The following FAT1 variants were observed in gnomAD, a reference collection of about 807,000 sequenced individuals.
FAT1 encodes the protein protocadherin Fat 1.
In FAT1, 171 loss-of-function variants were observed where a neutral mutation model predicts 329.8. That is an observed-to-expected ratio of 0.52 (90% CI 0.46 to 0.59). The LOEUF (loss-of-function observed/expected upper bound fraction) is 0.59. Among genes scored for constraint, FAT1 ranks in the 20% least tolerant of loss-of-function variants. The pLI is 0.00. For synonymous variants in FAT1, 2,233 were observed against 2,228.6 expected, an observed-to-expected ratio of 1.00 and a Z score of -0.06; for missense variants, 5,672 against 5,774.4, an observed-to-expected ratio of 0.98 and a Z score of 0.57.
intron 3 of FAT1, among the ~76,000 whole-genome samples, chr4:186,650,313 A>C (rs1741577171): frequency 6.6e-6 from 1 of 152,216 alleles, no homozygotes; most frequent in African/African-American, 2.4e-5. Context: ...ATTATTTCTC[A>C]TATTCTTTCC....
At chr4:186,634,836 G>C (rs1740756134) in intron 6 of FAT1, among the ~76,000 whole-genome samples, 2 of 152,208 alleles carry the variant, frequency 1.3e-5, no homozygotes, top group African/African-American at 2.4e-5. Context: ...AGCGCGCATG[G>C]AAAGCAAGCA....
At chr4:186,628,081 C>A in intron 9 of FAT1, 73 bp downstream of exon 9, 3 of 1,500,646 alleles carry the variant, frequency 2.0e-6, no homozygotes, top group Non-Finnish European at 2.7e-6. Flanking sequence ...ATACCCAGAA[C>A]TGATTTTGGA....
chr4:186,610,045 T>G (rs1347223777), intron 14 of FAT1, 30 bp from the exon 15 acceptor site: 1 of 1,379,050 alleles, frequency 7.3e-7, no homozygotes, highest in Non-Finnish European at 1.0e-6. Flanking sequence ...ACTTCCAGCA[T>G]TCTGCAATGC....
rs761787788 is a variant in FAT1, at chr4:186,611,481, T to C, written c.9758A>G (p.Tyr3253Cys). Residue 3253 changes from tyrosine to cysteine, a missense_variant, in exon 14 of 27, where the codon TAT (tyrosine) becomes TGT (cysteine). Physicochemically the swap from Tyr to Cys is radical, Grantham distance 194. This residue lies in a region of FAT1 where 1,706 missense variants were observed against 1,859.1 expected (regional missense o/e 0.92). Transcript: ENST00000441802. Reference protein sequence around the residue: ...ILVGTEVLQVYAASRDIEANA... With the variant: ...ILVGTEVLQVCAASRDIEANA... Reference sequence around the variant, plus strand: ...TGCTTCAATATCCCGACTTGCTGCATACACTTGAAGAACTTCAGTTCCAAC... The same window carrying C: ...TGCTTCAATATCCCGACTTGCTGCACACACTTGAAGAACTTCAGTTCCAAC... 1.7e-5 allele frequency: 27 copies of C among 1,613,996 alleles called. No individual in the cohort carries two copies. Among genetic ancestry groups the C allele is most frequent in the South Asian group, 6.6e-5 (6 of 91,082 alleles).
At chr4:186,666,929 T>A (rs545209046) in intron 2 of FAT1, among the ~76,000 whole-genome samples, 1 of 152,304 alleles carries the variant, frequency 6.6e-6, no homozygotes, top group South Asian at 2.1e-4. Flanking sequence ...GCCAGCAATA[T>A]CCTTGTCAGT....
At position 186,711,326 on chromosome 4, in the gene FAT1, C is replaced by G. The variant is rs185446519; in HGVS notation, c.-18-1481G>C. Reference sequence around the variant, plus strand: ...TTCTTTAGCTATGATGCCTTCTCCTCTCCAGATAAAGTCAGAAATTAGACA... The same window carrying G: ...TTCTTTAGCTATGATGCCTTCTCCTGTCCAGATAAAGTCAGAAATTAGACA... On this transcript the variant is annotated intron_variant, in intron 1 of 26. Coordinates refer to ENST00000441802, the MANE Select transcript of FAT1 (RefSeq NM_005245.4). Among the ~76,000 whole-genome samples the G allele has an allele frequency of 2.8e-3, 434 of 152,300 alleles. 4 individuals carry two copies. Among genetic ancestry groups the G allele is most frequent in the African/African-American group, 0.01 (416 of 41,562 alleles).
At chr4:186,642,095 T>C (rs983868197) in intron 3 of FAT1, among the ~76,000 whole-genome samples, 1 of 152,194 alleles carries the variant, frequency 6.6e-6, no homozygotes, top group South Asian at 2.1e-4. Context: ...TCTATACTCC[T>C]CAAATTAATT....
At chr4:186,606,308 C>A (rs529844040) in intron 16 of FAT1, 95 bp from the exon 17 acceptor site, 16 of 1,336,268 alleles carry the variant, frequency 1.2e-5, no homozygotes, top group South Asian at 2.9e-5. Context: ...CGGGCAGGTC[C>A]CAGTGAGCTA....
At chr4:186,690,017 T>G (rs990404746) in intron 2 of FAT1, among the ~76,000 whole-genome samples, 1 of 152,172 alleles carries the variant, frequency 6.6e-6, no homozygotes, top group Non-Finnish European at 1.5e-5. Context: ...AGCCCCTTCC[T>G]CAGTTACTAT....
Position 186,708,460 on chromosome 4 carries a change from T to C in FAT1, c.1368A>G (p.Ala456=), listed in dbSNP as rs1259972922. 8.1e-6 allele frequency: 13 copies of C among 1,614,014 alleles called. No individual in the cohort carries two copies. The highest frequency in any genetic ancestry group is 6.7e-5 in the African/African-American group (5 of 75,050). The change falls in exon 2 of 27, where the codon GCA becomes GCG. Residue 456 remains alanine, a synonymous_variant. Transcript: ENST00000441802. The part of the protein sequence containing the change: ...STKVLVKVLG[A]NSNPPEFTQT... ...GGGTAAATTCAGGGGGATTGCTATT[T>C]GCACCTAAGACTTTCACCAAGACCT...
chr4:186,618,693 G>A lies in FAT1; in HGVS notation c.7893C>T (p.Ile2631=), dbSNP rs188266309. ...SDADEGSNAD[I]TYAIEADSES... ...CAGAGTCTGCTTCAATGGCATAGGT[G>A]ATGTCGGCATTGGAGCCCTCATCGG... Residue 2631 remains isoleucine, a synonymous_variant, in exon 10 of 27, where the codon ATC becomes ATT. Coordinates refer to ENST00000441802, the MANE Select transcript of FAT1 (RefSeq NM_005245.4). 50 of 1,614,012 alleles carry A rather than the reference G, an allele frequency of 3.1e-5. 1 individual carries two copies. In the African/African-American group the frequency reaches 4.4e-4, roughly 14 times the overall value.
intron 2 of FAT1, among the ~76,000 whole-genome samples, chr4:186,665,628 C>G (rs917508165): frequency 6.6e-6 from 1 of 152,150 alleles, no homozygotes; most frequent in Middle Eastern, 3.4e-3. Context: ...AAATTTTCTC[C>G]CATTCTGTAG....
chr4:186,706,517 A>G (rs1744604982), intron 2 of FAT1, 46 bp downstream of exon 2: 1 of 1,531,372 alleles, frequency 6.5e-7, no homozygotes. Flanking sequence ...AAAAAAAAAA[A>G]AAAATGGAAA....
chr4:186,692,937 CT>C (rs1743855816), intron 2 of FAT1, among the ~76,000 whole-genome samples: 1 of 152,206 alleles, frequency 6.6e-6, no homozygotes, highest in Non-Finnish European at 1.5e-5. Context: ...AACACGATAA[CT>C]GGAATTCTCC....
At chr4:186,678,003 T>C (rs1159396787) in intron 2 of FAT1, among the ~76,000 whole-genome samples, 1 of 152,218 alleles carries the variant, frequency 6.6e-6, no homozygotes, top group Non-Finnish European at 1.5e-5. Flanking sequence ...TCCTTAACTT[T>C]CTCTGAGAGC....
chr4:186,672,343 G>A (rs1255048848), intron 2 of FAT1, among the ~76,000 whole-genome samples: 2 of 152,198 alleles, frequency 1.3e-5, no homozygotes, highest in South Asian at 4.2e-4. Flanking sequence ...AAACTGCTAG[G>A]CAGTATACTA....
chr4:186,635,944 G>A (rs1740796848), intron 6 of FAT1, 81 bp downstream of exon 6: 2 of 1,218,400 alleles, frequency 1.6e-6, no homozygotes, highest in Non-Finnish European at 2.3e-6. Flanking sequence ...ATCCTGACTT[G>A]TGCCCAAAAC....
At position 186,613,211 on chromosome 4, in the gene FAT1, T is replaced by A. The variant is rs2126475168; in HGVS notation, c.9361A>T (p.Asn3121Tyr). 6.2e-7 allele frequency: 1 copy of A among 1,613,874 alleles called. No individual in the cohort carries two copies. Among genetic ancestry groups the A allele is most frequent in the Non-Finnish European group, 8.5e-7 (1 of 1,179,808 alleles). The stretch of plus-strand genomic sequence containing the variant: ...GGATCGGCAGAGAATTCGGGGGCGT[T>A]ATCGTTCACATCTTCTAGCGTGAGC... ...IVLTLEDVND[N>Y]APEFSADPYA... Residue 3121 changes from asparagine to tyrosine, a missense_variant, in exon 13 of 27, where the codon AAC becomes TAC. Coordinates refer to ENST00000441802, the MANE Select transcript of FAT1 (RefSeq NM_005245.4).
intron 1 of FAT1, among the ~76,000 whole-genome samples, chr4:186,717,292 T>C (rs1382765871): frequency 6.6e-6 from 1 of 152,188 alleles, no homozygotes; most frequent in Non-Finnish European, 1.5e-5. Flanking sequence ...TTTCAACCCA[T>C]CTTCATATGA....
Sources: allele counts gnomAD v4.1 joint callset (sites outside exome capture counted in the v4.1 genomes callset), GRCh38; gene constraint gnomAD v4.1.1; regional missense constraint gnomAD v4.1.1; transcripts MANE v1.5; gene names NCBI Gene and HGNC (gene_info 2026-07-23, HGNC 2026-07-21).